The following SLC39A11 variants were observed in gnomAD, a reference collection of about 807,000 sequenced individuals.
The protein encoded by SLC39A11 is zinc transporter ZIP11.
In SLC39A11, 33 loss-of-function variants were observed where a neutral mutation model predicts 36.1. That is an observed-to-expected ratio of 0.91 (90% CI 0.69 to 1.22). The LOEUF (loss-of-function observed/expected upper bound fraction) is 1.22, where lower values mean the gene tolerates loss of function less well. SLC39A11 is among the 50% of genes most tolerant of loss of function. SLC39A11 has a pLI of 0.00. For missense variants in SLC39A11, 432 were observed against 430.3 expected (o/e 1.00, Z -0.03); for synonymous variants, 166 against 170.3 (o/e 0.97, Z 0.20).
intron 6 of SLC39A11, among the ~76,000 whole-genome samples, chr17:72,762,297 C>G (rs376724057): frequency 6.6e-6 from 1 of 152,264 alleles, no homozygotes; most frequent in Non-Finnish European, 1.5e-5. Context: ...AAGATGGTGA[C>G]GAGAGTGACC....
intron 7 of SLC39A11, among the ~76,000 whole-genome samples, chr17:72,708,940 CTT>C (rs397857013): frequency 1.4e-5 from 2 of 145,400 alleles, no homozygotes. Context: ...TTTTTCTTTT[CTT>C]TTTTTTTTTT....
chr17:72,911,933 T>C (rs77992942), intron 5 of SLC39A11, among the ~76,000 whole-genome samples: 77,618 of 151,794 alleles, frequency 0.51, 19,817 homozygotes, highest in African/African-American at 0.53. Flanking sequence ...CGTGAGCCAC[T>C]GCAGCCTGGC....
chr17:72,991,683 T>C (rs1043809457), intron 4 of SLC39A11, among the ~76,000 whole-genome samples: 2 of 152,224 alleles, frequency 1.3e-5, no homozygotes, highest in African/African-American at 4.8e-5. Context: ...TTTAAATGGC[T>C]ACTTAGCCAT....
intron 5 of SLC39A11, among the ~76,000 whole-genome samples, chr17:72,874,850 G>A (rs1015347584): frequency 2.0e-5 from 3 of 152,202 alleles, no homozygotes; most frequent in African/African-American, 7.2e-5. Context: ...GTGGACAAAG[G>A]AAATAAGACA....
intron 4 of SLC39A11, among the ~76,000 whole-genome samples, chr17:73,010,020 T>C (rs1323187835): frequency 6.6e-6 from 1 of 152,066 alleles, no homozygotes; most frequent in East Asian, 1.9e-4. Context: ...ACTCCAAGGT[T>C]TCGGTACTCT....
intron 4 of SLC39A11, among the ~76,000 whole-genome samples, chr17:72,966,567 ATTG>A (rs2086993515): frequency 5.2e-5 from 4 of 77,168 alleles, no homozygotes; most frequent in African/African-American, 1.2e-4. Context: ...TTTTTTTGTT[ATTG>A]TTGTTGTTCT....
chr17:73,039,663 G>T (rs888388293), intron 3 of SLC39A11, among the ~76,000 whole-genome samples: 11 of 152,140 alleles, frequency 7.2e-5, no homozygotes, highest in Admixed American at 7.2e-4. Flanking sequence ...CAAACATGGG[G>T]TGAGTAATTG....
chr17:72,945,360 A>G (rs140246314), intron 5 of SLC39A11, among the ~76,000 whole-genome samples: 68 of 152,346 alleles, frequency 4.5e-4, no homozygotes, highest in African/African-American at 1.6e-3. Flanking sequence ...ATGATGTTTT[A>G]AAGGCTAATG....
At chr17:72,923,579 C>T (rs911196736) in intron 5 of SLC39A11, among the ~76,000 whole-genome samples, 1 of 152,192 alleles carries the variant, frequency 6.6e-6, no homozygotes, top group South Asian at 2.1e-4. Flanking sequence ...CCAGCAGTAA[C>T]ACATTTAGTA....
chr17:72,651,756 C>T (rs2069863398), intron 7 of SLC39A11, among the ~76,000 whole-genome samples: 1 of 152,156 alleles, frequency 6.6e-6, no homozygotes, highest in African/African-American at 2.4e-5. Context: ...ATATTATGGT[C>T]TCTTGGGACT....
chr17:73,042,988 G>A (rs1377405682), intron 3 of SLC39A11, among the ~76,000 whole-genome samples: 2 of 152,206 alleles, frequency 1.3e-5, no homozygotes, highest in Non-Finnish European at 2.9e-5. Flanking sequence ...GAGGAAGAAA[G>A]AGCTAGTGTG....
intron 3 of SLC39A11, among the ~76,000 whole-genome samples, chr17:73,041,041 TACTC>T (rs1286049915): frequency 6.6e-6 from 1 of 151,948 alleles, no homozygotes; most frequent in Admixed American, 6.6e-5. Flanking sequence ...CAGTATCACT[TACTC>T]AGTATATCCA....
intron 6 of SLC39A11, among the ~76,000 whole-genome samples, chr17:72,763,368 G>A (rs1478854037): frequency 1.3e-5 from 2 of 152,174 alleles, no homozygotes; most frequent in African/African-American, 4.8e-5. Flanking sequence ...AACCTAATGA[G>A]TTTTAGAAAT....
intron 3 of SLC39A11, among the ~76,000 whole-genome samples, chr17:73,075,092 G>T (rs2060277899): frequency 6.6e-6 from 1 of 152,142 alleles, no homozygotes; most frequent in Non-Finnish European, 1.5e-5. Flanking sequence ...TTGGGACAAT[G>T]ACTGCCTTCT....
intron 3 of SLC39A11, among the ~76,000 whole-genome samples, chr17:73,035,832 C>T (rs1384548363): frequency 7.1e-6 from 1 of 141,344 alleles, no homozygotes; most frequent in Non-Finnish European, 1.5e-5. Context: ...CTACTGCACT[C>T]CAGCCTGGGT....
chr17:72,729,967 G>A (rs907829311), intron 7 of SLC39A11, among the ~76,000 whole-genome samples: 19 of 151,940 alleles, frequency 1.3e-4, no homozygotes, highest in African/African-American at 3.9e-4. Flanking sequence ...ATATCACATC[G>A]AAATCAAGAC....
chr17:72,804,030 C>T (rs1400845748), intron 6 of SLC39A11, among the ~76,000 whole-genome samples: 3 of 151,560 alleles, frequency 2.0e-5, no homozygotes, highest in Non-Finnish European at 4.4e-5. Context: ...GAGTCTAGCT[C>T]TGTCGCTCAG....
At chr17:72,921,165 A>C (rs913436933) in intron 5 of SLC39A11, among the ~76,000 whole-genome samples, 1 of 152,232 alleles carries the variant, frequency 6.6e-6, no homozygotes, top group Non-Finnish European at 1.5e-5. Context: ...TGAAAAAGTA[A>C]GAACACAAGC....
chr17:73,081,343 G>A (rs2060502840), intron 3 of SLC39A11, among the ~76,000 whole-genome samples: 1 of 152,124 alleles, frequency 6.6e-6, no homozygotes, highest in South Asian at 2.1e-4. Context: ...TGGATGTGGT[G>A]AAAAGGGAAC....
Sources: gnomAD v4.1 joint callset for allele counts (sites outside exome capture counted in the v4.1 genomes callset) on GRCh38, gnomAD v4.1.1 for gene constraint, MANE v1.5 for transcripts, NCBI Gene and HGNC (gene_info 2026-07-23, HGNC 2026-07-21) for gene names.